Variants in PRELID2 observed in about 807,000 individuals in gnomAD.
PRELID2 encodes PRELI domain-containing protein 2.
PRELID2 carries 25 observed loss-of-function variants against 28.4 expected under a neutral mutation model. The observed-to-expected ratio is 0.88, with a 90% CI of 0.64 to 1.23. The LOEUF is 1.23. Among genes scored for constraint, PRELID2 ranks in the 50% most tolerant of loss-of-function variants. The probability of loss-of-function intolerance (pLI) is 0.00; values close to 1 mark genes in which losing one functional copy is unlikely to be tolerated. For missense variants in PRELID2, 201 were observed against 214.4 expected (o/e 0.94, Z 0.39); for synonymous variants, 76 against 71.6 (o/e 1.06, Z -0.31).
chr5:145,817,421 T>TTATATATATATTTATATA, intron 4 of PRELID2, among the ~76,000 whole-genome samples: 1 of 103,606 alleles, frequency 9.7e-6, no homozygotes, highest in Non-Finnish European at 2.0e-5. Flanking sequence ...TAAGCTAGTT[T>TTATATATATATTTATATA]TATATATATA....
At chr5:145,385,942 G>C in the PRELID2 span, among the ~76,000 whole-genome samples, 1 of 151,946 alleles carries the variant, frequency 6.6e-6, no homozygotes, top group Non-Finnish European at 1.5e-5. Flanking sequence ...GTCTTGATTT[G>C]TAATCCCCAT....
chr5:145,275,389 C>G, the PRELID2 span, among the ~76,000 whole-genome samples: 1 of 151,862 alleles, frequency 6.6e-6, no homozygotes, highest in Non-Finnish European at 1.5e-5. Context: ...AGGGGAGGGT[C>G]CAGGAGGCAT....
At chr5:145,497,157 C>T (rs1451555712) in intron 1 of PRELID2, among the ~76,000 whole-genome samples, 7 of 152,178 alleles carry the variant, frequency 4.6e-5, no homozygotes, top group Non-Finnish European at 7.3e-5. Context: ...AGCCACCATG[C>T]CCAGCTCAGT....
the PRELID2 span, among the ~76,000 whole-genome samples, chr5:145,399,268 A>G: frequency 6.6e-6 from 1 of 152,130 alleles, no homozygotes; most frequent in South Asian, 2.1e-4. Context: ...AGTTGATTAC[A>G]TGGGGGTTGG....
chr5:145,506,737 A>C (rs1401617384), intron 1 of PRELID2, among the ~76,000 whole-genome samples: 2 of 152,162 alleles, frequency 1.3e-5, no homozygotes, highest in Non-Finnish European at 2.9e-5. Flanking sequence ...TATTAAGGAC[A>C]ATGAAGGATT....
chr5:145,337,418 A>G, the PRELID2 span, among the ~76,000 whole-genome samples: 5 of 151,626 alleles, frequency 3.3e-5, no homozygotes, highest in Admixed American at 2.6e-4. Context: ...TTCTGACACT[A>G]TCTACCTCAA....
intron 1 of PRELID2, among the ~76,000 whole-genome samples, chr5:145,484,468 T>A (rs1043443421): frequency 6.6e-6 from 1 of 152,192 alleles, no homozygotes; most frequent in African/African-American, 2.4e-5. Flanking sequence ...CTATTTCTTA[T>A]TGGTTCATTG....
At chr5:145,284,250 T>C in the PRELID2 span, among the ~76,000 whole-genome samples, 2 of 152,332 alleles carry the variant, frequency 1.3e-5, no homozygotes, top group East Asian at 3.9e-4. Flanking sequence ...GAATACAAAG[T>C]TCTGTAACAT....
intron 1 of PRELID2, among the ~76,000 whole-genome samples, chr5:145,628,834 C>A (rs924213633): frequency 5.9e-5 from 9 of 152,078 alleles, no homozygotes; most frequent in African/African-American, 1.9e-4. Context: ...TATTAAAAAG[C>A]AGTATAATTT....
chr5:145,428,004 G>A, the PRELID2 span, among the ~76,000 whole-genome samples: 1 of 152,014 alleles, frequency 6.6e-6, no homozygotes, highest in Admixed American at 6.6e-5. Flanking sequence ...TGTCACCCAG[G>A]CTGGAGTGCA....
intron 1 of PRELID2, among the ~76,000 whole-genome samples, chr5:145,586,703 A>G (rs1753158174): frequency 6.6e-6 from 1 of 152,114 alleles, no homozygotes; most frequent in Non-Finnish European, 1.5e-5. Flanking sequence ...ATCTCTGAGC[A>G]TGAGGTAGGT....
At chr5:145,424,266 A>T in the PRELID2 span, among the ~76,000 whole-genome samples, 1 of 152,156 alleles carries the variant, frequency 6.6e-6, no homozygotes, top group Non-Finnish European at 1.5e-5. Context: ...GGCTCCACCC[A>T]GTTCGAGCTT....
chr5:145,462,196 T>C, the PRELID2 span, among the ~76,000 whole-genome samples: 3 of 152,286 alleles, frequency 2.0e-5, no homozygotes, highest in South Asian at 6.2e-4. Flanking sequence ...CAATAAAATG[T>C]CAAACTCCAG....
At chr5:145,803,680 A>G (rs919433574) in intron 4 of PRELID2, among the ~76,000 whole-genome samples, 1 of 151,030 alleles carries the variant, frequency 6.6e-6, no homozygotes, top group African/African-American at 2.4e-5. Flanking sequence ...CAGTACTAAC[A>G]TTAGTAATAA....
At chr5:145,458,461 C>T in the PRELID2 span, among the ~76,000 whole-genome samples, 1 of 152,034 alleles carries the variant, frequency 6.6e-6, no homozygotes, top group Non-Finnish European at 1.5e-5. Context: ...CGTTATAATA[C>T]TTAGTAGTGG....
At chr5:145,463,857 G>T in the PRELID2 span, among the ~76,000 whole-genome samples, 2 of 152,130 alleles carry the variant, frequency 1.3e-5, no homozygotes, top group Admixed American at 1.3e-4. Flanking sequence ...CAGTGATGAC[G>T]TAATACTCTA....
At chr5:145,260,419 G>A in the PRELID2 span, among the ~76,000 whole-genome samples, 3 of 152,290 alleles carry the variant, frequency 2.0e-5, no homozygotes, top group African/African-American at 7.2e-5. Context: ...GGAAAACTGA[G>A]TGAACATATC....
At position 145,536,298 on chromosome 5, in the gene PRELID2, G is replaced by T. The variant is rs367716623; in HGVS notation, n.71-62983C>A. Among the ~76,000 whole-genome samples, 6 of 152,044 alleles carry T rather than the reference G, an allele frequency of 3.9e-5. No homozygotes were observed. In the East Asian group the frequency reaches 1.2e-3, roughly 29 times the overall value. On this transcript the variant is annotated intron_variant and non_coding_transcript_variant, in intron 1 of 2. Transcript: ENST00000510259. ...GTGCCAAAGCAATGATCTAAGAAAT[G>T]AATGCAGATAAGCCTTCTCCATTTT...
rs1377087783 is a variant in PRELID2 at position 145,638,523 on chromosome 5, A to C, written n.70+126408T>G. Among the ~76,000 whole-genome samples the C allele has an allele frequency of 2.0e-5, 3 of 152,350 alleles. No homozygotes were observed. The East Asian group carries it at 5.8e-4, about 29-fold the overall frequency. On this transcript the variant is annotated intron_variant and non_coding_transcript_variant, in intron 1 of 2. Coordinates refer to the PRELID2 transcript ENST00000510259. ...TATCTTACCCTTGCTATTCAATGCA[A>C]GTACTAGAAGAGCATAAGCCATGTC...
Sources: gnomAD v4.1 joint callset for allele counts (sites outside exome capture counted in the v4.1 genomes callset) on GRCh38, gnomAD v4.1.1 for gene constraint, MANE v1.5 for transcripts, NCBI Gene and HGNC (gene_info 2026-07-23, HGNC 2026-07-21) for gene names.